Variants in TRIM5 observed in about 807,000 individuals in gnomAD.
TRIM5 encodes tripartite motif-containing protein 5.
A neutral mutation model predicts 35.6 loss-of-function variants in TRIM5; 31 were observed. The ratio of observed to expected loss-of-function variants is 0.87; its 90% CI spans 0.65 to 1.18. TRIM5 has a LOEUF of 1.18. TRIM5 is among the 50% of genes most tolerant of loss of function. The probability of loss-of-function intolerance (pLI) is 0.00; values close to 1 mark genes in which losing one functional copy is unlikely to be tolerated. For synonymous variants in TRIM5, 243 were observed against 215.6 expected (o/e 1.13, Z -1.11); for missense variants, 609 against 591.6 (o/e 1.03, Z -0.31).
chr11:5,684,793 G>GT, intron 1 of TRIM5, 75 bp downstream of exon 1: 1 of 152,394 alleles, frequency 6.6e-6, no homozygotes, highest in East Asian at 1.9e-4. Flanking sequence ...CCCTCAGTCA[G>GT]CTCTGGCAGC....
At chr11:5,663,091 C>A (rs1231385768), downstream of TRIM5, 10 of 407,054 alleles carry the variant, frequency 2.5e-5, no homozygotes, top group South Asian at 1.0e-3. Context: ...TGCCATTGCA[C>A]TCCAGCTTGG....
the TRIM5 span, chr11:5,645,880 A>ATAT: frequency 5.8e-3 from 803 of 137,326 alleles, 15 homozygotes; most frequent in African/African-American, 0.022. Flanking sequence ...AAAAAAAAAA[A>ATAT]ATATATATAT....
the TRIM5 span, chr11:5,641,282 C>A: frequency 6.3e-6 from 10 of 1,592,790 alleles, no homozygotes; most frequent in South Asian, 1.1e-5. Flanking sequence ...AATAAAAAAT[C>A]TCCCAGAGTA....
rs531827443 is a variant in TRIM5 at position 5,664,307 on chromosome 11, T to G, written c.*502A>C. The G allele has an allele frequency of 1.0e-6, 1 of 986,310 alleles. No homozygotes were observed. The highest frequency in any genetic ancestry group is 1.1e-4 in the East Asian group (1 of 8,818). The allele number at this position is 986,310 out of a possible 1,614,324, so 61.1% of individuals were successfully genotyped here. ...GTATATGGAGAGACAGGAGTTGAACTGAGATCCTCTAGATACAAAACCTCT... is the reference window on the plus strand; with the variant it reads ...GTATATGGAGAGACAGGAGTTGAACGGAGATCCTCTAGATACAAAACCTCT... On this transcript the variant is annotated 3_prime_UTR_variant, in exon 8 of 8. Transcript: ENST00000380034.
downstream of TRIM5, among the ~76,000 whole-genome samples, chr11:5,661,960 T>A (rs1321199990): frequency 6.6e-6 from 1 of 152,198 alleles, no homozygotes; most frequent in African/African-American, 2.4e-5. Flanking sequence ...GAAAAGGCAT[T>A]AATGTCCCTG....
chr11:5,662,665 C>T (rs916023146), downstream of TRIM5, among the ~76,000 whole-genome samples: 39 of 152,120 alleles, frequency 2.6e-4, no homozygotes, highest in African/African-American at 9.2e-4. Context: ...GATTTTTTTT[C>T]CCATTTATAA....
At chr11:5,654,154 C>T in the TRIM5 span, among the ~76,000 whole-genome samples, 31 of 121,752 alleles carry the variant, frequency 2.5e-4, no homozygotes, top group Non-Finnish European at 4.8e-4. Context: ...TCAGGCATTT[C>T]ATAGATATTT....
chr11:5,605,045 G>A, the TRIM5 span: 3 of 480,532 alleles, frequency 6.2e-6, no homozygotes, highest in South Asian at 6.4e-5. Flanking sequence ...TGGAAGAGGA[G>A]GCTGATGCAG....
At chr11:5,656,848 T>G in the TRIM5 span, among the ~76,000 whole-genome samples, 1 of 152,170 alleles carries the variant, frequency 6.6e-6, no homozygotes, top group Non-Finnish European at 1.5e-5. Context: ...TAGGAACACT[T>G]TTACACTGTA....
intron 4 of TRIM5, among the ~76,000 whole-genome samples, chr11:5,675,344 T>G (rs771679345): frequency 6.6e-6 from 1 of 151,992 alleles, no homozygotes. Flanking sequence ...CATCCTAAGG[T>G]GCCCTGGGGT....
At chr11:5,671,262 A>G (rs1034038807) in intron 4 of TRIM5, among the ~76,000 whole-genome samples, 1 of 151,618 alleles carries the variant, frequency 6.6e-6, no homozygotes, top group African/African-American at 2.4e-5. Context: ...AAATGTGTAC[A>G]CATACAAAGA....
At chr11:5,641,348 T>C in the TRIM5 span, 20 of 1,478,232 alleles carry the variant, frequency 1.4e-5, no homozygotes, top group Non-Finnish European at 1.8e-5. Flanking sequence ...AGTATTTGAG[T>C]GTTCCGTAAC....
At chr11:5,597,439 T>G in the TRIM5 span, among the ~76,000 whole-genome samples, 1 of 152,218 alleles carries the variant, frequency 6.6e-6, no homozygotes, top group Non-Finnish European at 1.5e-5. Flanking sequence ...GAAATTAAAT[T>G]TTTTGTTTTG....
At chr11:5,683,294 G>A (rs1445300892) in intron 1 of TRIM5, among the ~76,000 whole-genome samples, 1 of 152,248 alleles carries the variant, frequency 6.6e-6, no homozygotes, top group Non-Finnish European at 1.5e-5. Context: ...GCAGGTGCGT[G>A]GCATGGCACA....
At chr11:5,624,141 T>C in the TRIM5 span, among the ~76,000 whole-genome samples, 4 of 152,212 alleles carry the variant, frequency 2.6e-5, no homozygotes, top group Non-Finnish European at 5.9e-5. Flanking sequence ...CAGCCCTTTC[T>C]GTCCAGGGCA....
chr11:5,592,914 CAA>C, the TRIM5 span, among the ~76,000 whole-genome samples: 1 of 67,228 alleles, frequency 1.5e-5, no homozygotes, highest in Non-Finnish European at 2.9e-5. Context: ...GAGATTGTCT[CAA>C]AAAAAAAAAA....
At chr11:5,644,545 A>G in the TRIM5 span, 1 of 323,190 alleles carries the variant, frequency 3.1e-6, no homozygotes, top group Non-Finnish European at 5.6e-6. Context: ...AACTTTTTAT[A>G]CTGAGAGTGG....
At chr11:5,645,866 G>T in the TRIM5 span, 6 of 73,352 alleles carry the variant, frequency 8.2e-5, no homozygotes, top group Admixed American at 2.7e-4. Flanking sequence ...CTAGTCTTCT[G>T]GAAAAAAAAA....
the TRIM5 span, among the ~76,000 whole-genome samples, chr11:5,614,791 T>C: frequency 1.3e-5 from 2 of 152,214 alleles, no homozygotes; most frequent in African/African-American, 4.8e-5. Flanking sequence ...AAGAGGACTG[T>C]CTTAACATTA....
Sources: gnomAD v4.1 joint callset for allele counts (sites outside exome capture counted in the v4.1 genomes callset) on GRCh38, gnomAD v4.1.1 for gene constraint, MANE v1.5 for transcripts, NCBI Gene and HGNC (gene_info 2026-07-23, HGNC 2026-07-21) for gene names.